Variants in MCHR2 observed in about 807,000 individuals in gnomAD.
The protein encoded by MCHR2 is melanin-concentrating hormone receptor 2.
MCHR2 carries 15 observed loss-of-function variants against 24.8 expected under a neutral mutation model. The ratio of observed to expected loss-of-function variants is 0.60; its 90% confidence interval spans 0.40 to 0.93. MCHR2 has a LOEUF of 0.93. MCHR2 is among the 40% of genes least tolerant of loss of function. The pLI, the probability that MCHR2 is intolerant of heterozygous loss-of-function variation, is 0.00. For synonymous variants in MCHR2, 151 were observed against 147.6 expected, an observed-to-expected ratio of 1.02 and a Z score of -0.17; for missense variants, 386 against 408.7, an observed-to-expected ratio of 0.94 and a Z score of 0.48.
chr6:99,991,074 G>T (rs1284385827), intron 1 of MCHR2, among the ~76,000 whole-genome samples: 1 of 151,924 alleles, frequency 6.6e-6, no homozygotes, highest in Non-Finnish European at 1.5e-5. Context: ...AAGGGCATAT[G>T]CCAATGGTTC....
chr6:99,976,390 T>C (rs1460844150), intron 1 of MCHR2, among the ~76,000 whole-genome samples: 1 of 152,250 alleles, frequency 6.6e-6, no homozygotes, highest in Non-Finnish European at 1.5e-5. Flanking sequence ...AGCCATAATC[T>C]GGTGGGCACC....
chr6:99,948,791 AT>A (rs955529158), intron 2 of MCHR2, among the ~76,000 whole-genome samples: 2 of 152,056 alleles, frequency 1.3e-5, no homozygotes, highest in African/African-American at 2.4e-5. Context: ...TGTCTAATGC[AT>A]TTTTTTTCTT....
chr6:99,929,839 T>C (rs1045400954), intron 5 of MCHR2, among the ~76,000 whole-genome samples: 1 of 149,884 alleles, frequency 6.7e-6, no homozygotes, highest in African/African-American at 2.4e-5. Flanking sequence ...TCCATTTACA[T>C]TTAAAGTTAA....
rs531715162 is a variant in MCHR2, at chr6:99,919,010, A to G, written c.*1930T>C. Among the ~76,000 whole-genome samples, 1 of 152,340 alleles carries G rather than the reference A, an allele frequency of 6.6e-6. No homozygotes were observed. Among genetic ancestry groups the G allele is most frequent in the African/African-American group, 2.4e-5 (1 of 41,588 alleles). On this transcript the variant is annotated 3_prime_UTR_variant, in exon 6 of 6. Coordinates refer to ENST00000281806, the MANE Select transcript of MCHR2 (RefSeq NM_001040179.2). ...AGCAATTGCTCTTCAATTATCACAT[A>G]ATAAGATGTTTCTGACCCATTGTGC...
In MCHR2 at chr6:99,930,095, C is replaced by T. The variant is rs926937037; in HGVS notation, c.707+4303G>A. Among the ~76,000 whole-genome samples the T allele has an allele frequency of 1.8e-3, 270 of 151,432 alleles. 3 individuals are homozygous for T. Among genetic ancestry groups the T allele is most frequent in the African/African-American group, 5.7e-3 (234 of 41,064 alleles). On this transcript the variant is annotated intron_variant, in intron 5 of 5. Coordinates refer to ENST00000281806, the MANE Select transcript of MCHR2 (RefSeq NM_001040179.2). ...AAGTATTTTATTTCTCCTTCACTTA[C>T]GAAGCTTAGTTTGGCTGGATATGAA...
At chr6:99,922,592 C>T (rs1337397774) in intron 5 of MCHR2, among the ~76,000 whole-genome samples, 1 of 152,170 alleles carries the variant, frequency 6.6e-6, no homozygotes, top group Non-Finnish European at 1.5e-5. Context: ...GCTCTAGTTT[C>T]ATTCTTCTGC....
At chr6:99,978,391 T>A (rs1036068383) in intron 1 of MCHR2, among the ~76,000 whole-genome samples, 2 of 150,062 alleles carry the variant, frequency 1.3e-5, no homozygotes, top group African/African-American at 4.9e-5. Context: ...TCTTACAGAG[T>A]CTGGAAGAGG....
intron 4 of MCHR2, among the ~76,000 whole-genome samples, chr6:99,937,970 A>C (rs1774696618): frequency 6.6e-6 from 1 of 151,760 alleles, no homozygotes; most frequent in East Asian, 1.9e-4. Flanking sequence ...TATTTCCTCT[A>C]TATTTCCCAG....
intron 5 of MCHR2, among the ~76,000 whole-genome samples, chr6:99,925,852 A>G (rs1327715192): frequency 6.7e-6 from 1 of 149,340 alleles, no homozygotes; most frequent in African/African-American, 2.5e-5. Flanking sequence ...TTATTATTAT[A>G]CTTTAAGTTT....
chr6:99,969,299 C>G (rs1354037598), intron 1 of MCHR2, among the ~76,000 whole-genome samples: 1 of 151,796 alleles, frequency 6.6e-6, no homozygotes, highest in African/African-American at 2.4e-5. Flanking sequence ...CATGGTGAAA[C>G]CCTCTCTCTA....
intron 1 of MCHR2, among the ~76,000 whole-genome samples, chr6:99,974,711 A>G (rs1775511960): frequency 6.6e-6 from 1 of 151,998 alleles, no homozygotes; most frequent in African/African-American, 2.4e-5. Flanking sequence ...TTGGTCTTTG[A>G]TGATGGTGAC....
chr6:99,967,622 G>GAA (rs1409020090), intron 1 of MCHR2, among the ~76,000 whole-genome samples: 3 of 152,072 alleles, frequency 2.0e-5, no homozygotes, highest in Non-Finnish European at 4.4e-5. Context: ...AAATATCAGG[G>GAA]AAAAAAATCA....
intron 1 of MCHR2, among the ~76,000 whole-genome samples, chr6:99,966,926 ACTC>A (rs537145211): frequency 2.0e-3 from 307 of 151,852 alleles, no homozygotes; most frequent in Non-Finnish European, 3.6e-3. Flanking sequence ...CTGCATAAAA[ACTC>A]CTTTGCAAAA....
At chr6:99,931,191 C>T (rs1255502144) in intron 5 of MCHR2, among the ~76,000 whole-genome samples, 1 of 152,168 alleles carries the variant, frequency 6.6e-6, no homozygotes, top group East Asian at 1.9e-4. Flanking sequence ...GATTGTTCCC[C>T]TGGAAGTTTT....
At chr6:99,975,791 G>A (rs528704230) in intron 1 of MCHR2, among the ~76,000 whole-genome samples, 1 of 152,380 alleles carries the variant, frequency 6.6e-6, no homozygotes, top group Non-Finnish European at 1.5e-5. Flanking sequence ...CTTAGGATAA[G>A]TAGTGGCTAA....
At chr6:99,933,392 A>G (rs932421501) in intron 5 of MCHR2, among the ~76,000 whole-genome samples, 1 of 152,132 alleles carries the variant, frequency 6.6e-6, no homozygotes, top group African/African-American at 2.4e-5. Flanking sequence ...ATTCCATATG[A>G]TTTCATTTTA....
chr6:99,940,739 C>T (rs1582380157), intron 4 of MCHR2, among the ~76,000 whole-genome samples: 1 of 152,104 alleles, frequency 6.6e-6, no homozygotes, highest in African/African-American at 2.4e-5. Context: ...CGCTAGGTTG[C>T]TGTCTCCTTT....
At position 99,953,019 on chromosome 6, in the gene MCHR2, C is replaced by T. The variant is rs149700701; in HGVS notation, c.182+2947G>A. Reference sequence around the variant, plus strand: ...GGTGTTTTTCTCCTCAGTTAAATGACGGTTGACTTTATGTTGAAAATCTGT... The same window carrying T: ...GGTGTTTTTCTCCTCAGTTAAATGATGGTTGACTTTATGTTGAAAATCTGT... On this transcript the variant is annotated intron_variant, in intron 2 of 5. Transcript: ENST00000281806. Among the ~76,000 whole-genome samples the T allele has an allele frequency of 9.7e-3, 1,481 of 152,202 alleles. 10 individuals carry two copies. The highest frequency in any genetic ancestry group is 0.012 in the Non-Finnish European group (835 of 67,996).
intron 4 of MCHR2, among the ~76,000 whole-genome samples, chr6:99,939,977 T>A (rs913676583): frequency 1.3e-5 from 2 of 150,874 alleles, no homozygotes; most frequent in Admixed American, 1.3e-4. Flanking sequence ...AGCTCCTTTA[T>A]ACGTTATTTG....
Sources: allele counts gnomAD v4.1 joint callset (sites outside exome capture counted in the v4.1 genomes callset), GRCh38; gene constraint gnomAD v4.1.1; transcripts MANE v1.5; gene names NCBI Gene and HGNC (gene_info 2026-07-23, HGNC 2026-07-21).